SGTB: variants seen among roughly 807,000 people sequenced by gnomAD.
The protein encoded by SGTB is small glutamine-rich tetratricopeptide repeat-containing protein beta.
In SGTB, 19 loss-of-function variants were observed where a neutral mutation model predicts 43.9. The observed-to-expected ratio is 0.43, with a 90% CI of 0.30 to 0.63. The LOEUF (loss-of-function observed/expected upper bound fraction) is 0.63, where lower values mean the gene tolerates loss of function less well. SGTB is among the 30% of genes least tolerant of loss of function. The pLI, the probability that SGTB is intolerant of heterozygous loss-of-function variation, is 0.12. For missense variants in SGTB, 304 were observed against 358.9 expected (o/e 0.85, Z 1.24); for synonymous variants, 116 against 117.3 (o/e 0.99, Z 0.07).
At chr5:65,702,659 G>A (rs530125226) in intron 5 of SGTB, among the ~76,000 whole-genome samples, 10 of 152,270 alleles carry the variant, frequency 6.6e-5, no homozygotes, top group African/African-American at 1.2e-4. Flanking sequence ...ACTAATCCTC[G>A]CCTCATAACC....
intron 2 of SGTB, among the ~76,000 whole-genome samples, chr5:65,715,697 A>C (rs1320911926): frequency 1.3e-5 from 2 of 152,242 alleles, no homozygotes; most frequent in East Asian, 3.8e-4. Context: ...ATAAACAATA[A>C]ACAGGTAGTA....
chr5:65,722,781 T>G, upstream of SGTB: 1 of 237,736 alleles, frequency 4.2e-6, no homozygotes, highest in Non-Finnish European at 8.3e-6. Context: ...GCCGCAGCTG[T>G]GGACTCAGAA....
intron 3 of SGTB, among the ~76,000 whole-genome samples, chr5:65,710,239 T>C (rs1342100864): frequency 6.6e-6 from 1 of 152,208 alleles, no homozygotes; most frequent in Non-Finnish European, 1.5e-5. Flanking sequence ...TAGGGTTCCT[T>C]GTATTTTAAA....
In SGTB at chr5:65,668,051, C is replaced by A. The variant is rs994433546; in HGVS notation, c.*2195G>T. 6.7e-6 allele frequency: 1 copy of A among 149,392 alleles called. No homozygotes were observed. The highest frequency in any genetic ancestry group is 2.5e-5 in the African/African-American group (1 of 40,346). 9.3% of individuals were successfully genotyped at this position (149,392 alleles called of 1,614,324 possible). On this transcript the variant is annotated 3_prime_UTR_variant, in exon 11 of 11. Coordinates refer to ENST00000381007, the MANE Select transcript of SGTB (RefSeq NM_019072.3). ...CACTGCAACCTCTGCCTCTCAGGTT[C>A]GAGCAATTCTCATGCTTCAGCCTCC...
chr5:65,675,810 C>G (rs1290326548), intron 8 of SGTB, among the ~76,000 whole-genome samples: 1 of 152,176 alleles, frequency 6.6e-6, no homozygotes, highest in Non-Finnish European at 1.5e-5. Context: ...TTCATTACTA[C>G]CAGACCTGCC....
At chr5:65,699,593 T>C (rs1259943862) in intron 5 of SGTB, among the ~76,000 whole-genome samples, 1 of 152,240 alleles carries the variant, frequency 6.6e-6, no homozygotes, top group Non-Finnish European at 1.5e-5. Context: ...TAACCACTTC[T>C]CTATTATAGT....
At chr5:65,691,758 G>A (rs1258761408) in intron 5 of SGTB, among the ~76,000 whole-genome samples, 1 of 151,312 alleles carries the variant, frequency 6.6e-6, no homozygotes, top group Non-Finnish European at 1.5e-5. Context: ...GGCTAACACA[G>A]TGAAACTAAA....
intron 2 of SGTB, among the ~76,000 whole-genome samples, chr5:65,720,201 C>A (rs767984537): frequency 4.0e-5 from 6 of 151,712 alleles, no homozygotes; most frequent in Non-Finnish European, 7.4e-5. Flanking sequence ...CCTATCTCAG[C>A]CTCCTGAGTA....
At chr5:65,719,361 G>A (rs1352797750) in intron 2 of SGTB, among the ~76,000 whole-genome samples, 6 of 152,090 alleles carry the variant, frequency 3.9e-5, no homozygotes, top group South Asian at 2.1e-4. Flanking sequence ...AGGCCAAGGC[G>A]AGTGGATCAC....
chr5:65,701,880 G>A (rs530160880), intron 5 of SGTB, among the ~76,000 whole-genome samples: 2 of 152,262 alleles, frequency 1.3e-5, no homozygotes, highest in African/African-American at 2.4e-5. Context: ...TGATCCGCCC[G>A]CGTCGGCGTC....
At chr5:65,702,636 C>T (rs1757846473) in intron 5 of SGTB, among the ~76,000 whole-genome samples, 1 of 152,206 alleles carries the variant, frequency 6.6e-6, no homozygotes, top group Non-Finnish European at 1.5e-5. Context: ...TCCAGAGTCT[C>T]TTTCATAAAG....
At chr5:65,683,872 G>A (rs1169407226) in intron 6 of SGTB, among the ~76,000 whole-genome samples, 1 of 151,826 alleles carries the variant, frequency 6.6e-6, no homozygotes, top group Non-Finnish European at 1.5e-5. Flanking sequence ...CGTGAACCCA[G>A]GAGGCAAAGC....
intron 5 of SGTB, among the ~76,000 whole-genome samples, chr5:65,686,263 T>C (rs543125361): frequency 6.6e-6 from 1 of 152,332 alleles, no homozygotes; most frequent in East Asian, 1.9e-4. Flanking sequence ...GAGAATGCTA[T>C]GCTGCACAGC....
At chr5:65,672,904 A>G (rs996187123) in intron 8 of SGTB, among the ~76,000 whole-genome samples, 1 of 152,192 alleles carries the variant, frequency 6.6e-6, no homozygotes, top group African/African-American at 2.4e-5. Flanking sequence ...TACCAGAAAG[A>G]TCACTGACTG....
chr5:65,717,408 G>A (rs1758172700), intron 2 of SGTB, among the ~76,000 whole-genome samples: 1 of 151,740 alleles, frequency 6.6e-6, no homozygotes, highest in African/African-American at 2.4e-5. Context: ...ATTTTATGAT[G>A]TAAGATTAAA....
intron 5 of SGTB, among the ~76,000 whole-genome samples, chr5:65,687,517 T>C (rs1053806331): frequency 4.3e-4 from 65 of 152,244 alleles, no homozygotes; most frequent in Non-Finnish European, 6.9e-4. Context: ...GACAAAAACT[T>C]TGTGTCACAA....
At chr5:65,704,048 A>T (rs868167965) in intron 5 of SGTB, among the ~76,000 whole-genome samples, 32 of 149,020 alleles carry the variant, frequency 2.1e-4, no homozygotes, top group East Asian at 1.2e-3. Flanking sequence ...AAAAAAAAAA[A>T]AAAATAAATA....
At chr5:65,709,776 T>C (rs1483826205) in intron 3 of SGTB, among the ~76,000 whole-genome samples, 1 of 152,168 alleles carries the variant, frequency 6.6e-6, no homozygotes, top group Non-Finnish European at 1.5e-5. Context: ...AATTTTTTTA[T>C]ATTGTATAGA....
chr5:65,672,349 T>C, intron 8 of SGTB, 68 bp from the exon 9 acceptor site: 1 of 1,599,456 alleles, frequency 6.3e-7, no homozygotes, highest in East Asian at 2.2e-5. Context: ...AAAGATTTTT[T>C]TTTTAGAAGA....
Sources: allele counts gnomAD v4.1 joint callset (sites outside exome capture counted in the v4.1 genomes callset), GRCh38; gene constraint gnomAD v4.1.1; transcripts MANE v1.5; gene names NCBI Gene and HGNC (gene_info 2026-07-23, HGNC 2026-07-21).